Variants in RNF34 observed in about 807,000 individuals in gnomAD.
The protein encoded by RNF34 is E3 ubiquitin-protein ligase RNF34.
A neutral mutation model predicts 37.9 loss-of-function variants in RNF34; 12 were observed. The ratio of observed to expected loss-of-function variants is 0.32; its 90% CI spans 0.20 to 0.51. The LOEUF (loss-of-function observed/expected upper bound fraction) is 0.51, where lower values mean the gene tolerates loss of function less well. Ranked by LOEUF, RNF34 falls within the 20% of genes least tolerant of loss-of-function variation. The pLI, the probability that RNF34 is intolerant of heterozygous loss-of-function variation, is 0.97. For missense variants in RNF34, 362 were observed against 472.7 expected, an observed-to-expected ratio of 0.77 and a Z score of 2.17; for synonymous variants, 155 against 177.2, an observed-to-expected ratio of 0.87 and a Z score of 1.00.
chr12:121,410,701 A>G (rs1870979236), intron 1 of RNF34, among the ~76,000 whole-genome samples: 2 of 152,162 alleles, frequency 1.3e-5, no homozygotes, highest in Admixed American at 6.5e-5. Flanking sequence ...TTGCCCTTCA[A>G]TATGATGCTA....
chr12:121,416,340 A>C lies in RNF34; in HGVS notation c.188A>C (p.Lys63Thr). The change falls in exon 2 of 6, where the codon AAA becomes ACA. Residue 63 changes from lysine (K) to threonine (T), a missense_variant. Coordinates refer to ENST00000361234, the MANE Select transcript of RNF34 (RefSeq NM_025126.4). The part of the protein sequence containing the change: ...AATEGPNIVC[K>T]ACGLSFSVFR... The stretch of plus-strand genomic sequence containing the variant: ...ACGGAAGGGCCCAACATAGTTTGTA[A>C]AGCCTGTGGGCTTTCATTTTCAGTC... 1.2e-6 allele frequency: 2 copies of C among 1,614,096 alleles called. No homozygotes were observed. Among genetic ancestry groups the C allele is most frequent in the Non-Finnish European group, 1.7e-6 (2 of 1,179,976 alleles).
intron 5 of RNF34, among the ~76,000 whole-genome samples, chr12:121,421,450 G>T (rs1555283395): frequency 6.7e-6 from 1 of 148,714 alleles, no homozygotes; most frequent in African/African-American, 2.4e-5. Flanking sequence ...CTACTTGGGA[G>T]GCTGAGGGGG....
chr12:121,408,780 T>C (rs1378081952), intron 1 of RNF34, among the ~76,000 whole-genome samples: 1 of 152,134 alleles, frequency 6.6e-6, no homozygotes, highest in African/African-American at 2.4e-5. Context: ...TCACTGACTT[T>C]CTCCTCATAT....
chr12:121,423,302 T>C lies in RNF34; in HGVS notation c.929-84T>C. 2 of 1,078,890 alleles carry C rather than the reference T, an allele frequency of 1.9e-6. No individual in the cohort carries two copies. The highest frequency in any genetic ancestry group is 2.7e-6 in the Non-Finnish European group (2 of 746,758). 66.8% of individuals were successfully genotyped at this position (1,078,890 alleles called of 1,614,324 possible). A position where few individuals can be genotyped will look rare whatever the true frequency, so the allele number is the denominator to read the frequency against. On this transcript the variant is annotated intron_variant, in intron 5 of 5. Coordinates refer to ENST00000361234, the MANE Select transcript of RNF34 (RefSeq NM_025126.4). This position sits in a 1 kb window ranked among gnomAD's most constrained non-coding sequence, Gnocchi z 4.3. ...GGGCCTGCAGGGGTCATTCAGCAGGTGGCTGCTCAGCTTCGGACTGGGAGG... is the reference window on the plus strand; with the variant it reads ...GGGCCTGCAGGGGTCATTCAGCAGGCGGCTGCTCAGCTTCGGACTGGGAGG...
At chr12:121,420,466 C>G (rs552464462) in intron 4 of RNF34, 111 bp from the exon 5 acceptor site, 1 of 1,560,224 alleles carries the variant, frequency 6.4e-7, no homozygotes, top group Non-Finnish European at 8.8e-7. Context: ...TACTGAAACA[C>G]TTCTAGGACT....
chr12:121,405,590 TCTC>T (rs1402102357), intron 1 of RNF34, among the ~76,000 whole-genome samples: 2 of 152,010 alleles, frequency 1.3e-5, no homozygotes, highest in African/African-American at 2.4e-5. Flanking sequence ...TTCAAGCAGT[TCTC>T]CTGCCTCACC....
intron 1 of RNF34, among the ~76,000 whole-genome samples, chr12:121,408,882 A>C (rs1870785255): frequency 6.6e-6 from 1 of 152,210 alleles, no homozygotes; most frequent in South Asian, 2.1e-4. Context: ...AATCAAGGAG[A>C]GCACCAAAGT....
chr12:121,411,296 CAA>C (rs782640275), intron 1 of RNF34, among the ~76,000 whole-genome samples: 5 of 152,048 alleles, frequency 3.3e-5, no homozygotes, highest in Non-Finnish European at 2.9e-5. Flanking sequence ...TTCTGGGGAA[CAA>C]AGAGGAAATT....
At chr12:121,413,153 G>A (rs1871253439) in intron 1 of RNF34, among the ~76,000 whole-genome samples, 1 of 151,906 alleles carries the variant, frequency 6.6e-6, no homozygotes, top group Non-Finnish European at 1.5e-5. Flanking sequence ...GGCCTTCCAA[G>A]TAGCTGGGAT....
rs372273481 is a variant in RNF34, at chr12:121,408,032, G to A, written c.6+7814G>A. Among the ~76,000 whole-genome samples, 158 of 152,290 alleles carry A rather than the reference G, an allele frequency of 1.0e-3. No homozygotes were observed. The South Asian group carries it at 0.024, about 23-fold the overall frequency. On this transcript the variant is annotated intron_variant, in intron 1 of 5. Transcript: ENST00000361234. ...TCATAACAGAAAATGTGGGCCAAGC[G>A]TGGTAGCTCATGCCTGTAATCCCAG...
chr12:121,421,489 T>C (rs1443915032), intron 5 of RNF34, among the ~76,000 whole-genome samples: 1 of 149,026 alleles, frequency 6.7e-6, no homozygotes, highest in East Asian at 2.0e-4. Flanking sequence ...CAGGGAGCCG[T>C]GGTCATGCCA....
chr12:121,401,265 A>G (rs1869964344), intron 1 of RNF34, among the ~76,000 whole-genome samples: 1 of 150,470 alleles, frequency 6.6e-6, no homozygotes. Flanking sequence ...AATTCAAAAT[A>G]CAGTCTCATC....
chr12:121,415,509 G>A (rs886929052), intron 1 of RNF34, among the ~76,000 whole-genome samples: 2 of 151,970 alleles, frequency 1.3e-5, no homozygotes, highest in Non-Finnish European at 2.9e-5. Flanking sequence ...CTAGTTACTC[G>A]GGAGGCTGAG....
intron 1 of RNF34, among the ~76,000 whole-genome samples, chr12:121,402,377 A>G (rs2136890893): frequency 6.6e-6 from 1 of 152,292 alleles, no homozygotes; most frequent in African/African-American, 2.4e-5. Context: ...GTTCACTCAA[A>G]CCTGGAGCAG....
chr12:121,410,356 G>A (rs1174664332), intron 1 of RNF34, among the ~76,000 whole-genome samples: 1 of 152,074 alleles, frequency 6.6e-6, no homozygotes, highest in Non-Finnish European at 1.5e-5. Flanking sequence ...GGACAACATG[G>A]TGAAACCCCG....
rs961559227 is a variant in RNF34, at chr12:121,416,649, G to A, written c.225+272G>A. The A allele has an allele frequency of 1.9e-4, 54 of 290,206 alleles. 1 individual carries two copies. Among genetic ancestry groups the A allele is most frequent in the African/African-American group, 1.2e-3 (52 of 45,016 alleles). The allele number at this position is 290,206 out of a possible 1,614,324, so 18.0% of individuals were successfully genotyped here. A position where few individuals can be genotyped will look rare whatever the true frequency, so the allele number is the denominator to read the frequency against. On this transcript the variant is annotated intron_variant, in intron 2 of 5. Coordinates refer to ENST00000361234, the MANE Select transcript of RNF34 (RefSeq NM_025126.4). ...TTTTCTATTATGTTTATTTCCAAAA[G>A]CAAGAAATTTGTTAGTCTGTAGTTT...
In RNF34 at chr12:121,421,371, T is replaced by TACAAAA. The variant is rs35925457; in HGVS notation, c.928+594_928+595insCAAAAA. Among the ~76,000 whole-genome samples the TACAAAA allele has an allele frequency of 9.7e-3, 450 of 46,364 alleles. 40 individuals are homozygous for TACAAAA. The highest frequency in any genetic ancestry group is 0.029 in the African/African-American group (430 of 14,722). 30.4% of individuals were successfully genotyped at this position (46,364 alleles called of 152,430 possible). On this transcript the variant is annotated intron_variant, in intron 5 of 5. Transcript: ENST00000361234. ...GGGCAACATAGAGAGATCCCATCTCTAAAAAAAAAAAAAAAAAAAAAAAAA... is the reference window on the plus strand; with the variant it reads ...GGGCAACATAGAGAGATCCCATCTCTACAAAAAAAAAAAAAAAAAAAAAAAAAAAAA...
At chr12:121,421,602 T>C (rs115944827) in intron 5 of RNF34, among the ~76,000 whole-genome samples, 1 of 152,088 alleles carries the variant, frequency 6.6e-6, no homozygotes, top group Non-Finnish European at 1.5e-5. Context: ...ACAGAAATTC[T>C]TCCTCAGCTG....
At chr12:121,402,686 C>A (rs1870112121) in intron 1 of RNF34, 2 of 1,127,060 alleles carry the variant, frequency 1.8e-6, no homozygotes, top group Non-Finnish European at 2.6e-6. Flanking sequence ...AATGAGATAT[C>A]AAGGAGAAAG....
Sources: gnomAD v4.1 joint callset for allele counts (sites outside exome capture counted in the v4.1 genomes callset) on GRCh38, gnomAD v4.1.1 for gene constraint, Gnocchi (gnomAD v3.1) non-coding constraint, MANE v1.5 for transcripts, NCBI Gene and HGNC (gene_info 2026-07-23, HGNC 2026-07-21) for gene names.